The following SPTAN1 variants were observed in gnomAD, a reference collection of about 807,000 sequenced individuals.
SPTAN1 encodes the protein spectrin alpha, non-erythrocytic 1.
In SPTAN1, 61 loss-of-function variants were observed where a neutral mutation model predicts 331.3. That is an observed-to-expected ratio of 0.18 (90% CI 0.15 to 0.23). The LOEUF is 0.23. Ranked by LOEUF, SPTAN1 falls within the 10% of genes least tolerant of loss-of-function variation. The probability of loss-of-function intolerance (pLI) is 1.00; values close to 1 mark genes in which losing one functional copy is unlikely to be tolerated. For missense variants in SPTAN1, 2,043 were observed against 3,147.9 expected (o/e 0.65, Z 8.40); for synonymous variants, 1,153 against 1,173.9 (o/e 0.98, Z 0.36).
At chr9:128,626,771 C>G in intron 49 of SPTAN1, 84 bp downstream of exon 49, 1 of 1,216,920 alleles carries the variant, frequency 8.2e-7, no homozygotes, top group South Asian at 1.3e-5. Context: ...TTAACTGAGT[C>G]ACGACAAGAC....
intron 31 of SPTAN1, among the ~76,000 whole-genome samples, chr9:128,605,992 CAAAA>C (rs55642110): frequency 1.2e-4 from 16 of 134,444 alleles, no homozygotes; most frequent in African/African-American, 4.8e-4. Flanking sequence ...AACTCCATCT[CAAAA>C]AAAAAAAAAA....
Position 128,581,831 on chromosome 9 carries a change from C to T in SPTAN1, c.1511C>T (p.Ala504Val), listed in dbSNP as rs148727077. 1,998 of 1,614,042 alleles carry T rather than the reference C, an allele frequency of 1.2e-3. 2 individuals carry two copies. Among genetic ancestry groups the T allele is most frequent in the Middle Eastern group, 3.3e-3 (20 of 6,062 alleles). The change falls in exon 12 of 57, where the codon GCG becomes GTG. Residue 504 changes from alanine to valine, a missense_variant. Around this residue, in one of 12 missense-constraint regions of SPTAN1, gnomAD observed 1,038 missense variants for 1,531.5 expected, o/e 0.68. Coordinates refer to ENST00000372739, the MANE Select transcript of SPTAN1 (RefSeq NM_001130438.3). ...DLGDSLDSVE[A>V]LLKKHEDFEK... Reference sequence around the variant, plus strand: ...GGAGATTCCTTGGATAGTGTGGAAGCGCTTCTTAAGAAGCACGAAGACTTT... The same window carrying T: ...GGAGATTCCTTGGATAGTGTGGAAGTGCTTCTTAAGAAGCACGAAGACTTT...
Position 128,628,879 on chromosome 9 carries a change from C to T in SPTAN1, c.6707+937C>T, listed in dbSNP as rs543569770. The T allele has an allele frequency of 8.9e-5, 32 of 359,052 alleles. 1 individual carries two copies. The highest frequency in any genetic ancestry group is 7.1e-4 in the Middle Eastern group (1 of 1,412). The allele number at this position is 359,052 out of a possible 1,614,324, so 22.2% of individuals were successfully genotyped here. A position where few individuals can be genotyped will look rare whatever the true frequency, so the allele number is the denominator to read the frequency against. ...CCCATGCCTGTGTCTGCTGGTCTTG[C>T]TCTTGTCTCCGTGAGGTGCCACGCT... On this transcript the variant is annotated intron_variant, in intron 51 of 56. Coordinates refer to ENST00000372739, the MANE Select transcript of SPTAN1 (RefSeq NM_001130438.3).
chr9:128,598,942 G>A (rs1431500165), intron 25 of SPTAN1, 21 bp from the exon 26 acceptor site: 1 of 1,611,474 alleles, frequency 6.2e-7, no homozygotes, highest in Admixed American at 1.7e-5. Flanking sequence ...TAATAAAACT[G>A]GTTTCTCTCT....
Position 128,625,730 on chromosome 9 carries a change from G to C in SPTAN1, c.6070-39G>C, listed in dbSNP as rs773465512. On this transcript the variant is annotated intron_variant, in intron 47 of 56. Coordinates refer to ENST00000372739, the MANE Select transcript of SPTAN1 (RefSeq NM_001130438.3). This position sits in a 1 kb window ranked among gnomAD's most constrained non-coding sequence, Gnocchi z 4.1. Reference sequence around the variant, plus strand: ...CCTAGGAAGAGCAAGTTCCAGTCCTGTGGAGTCACCACAAATTGGCTTGTC... The same window carrying C: ...CCTAGGAAGAGCAAGTTCCAGTCCTCTGGAGTCACCACAAATTGGCTTGTC... The C allele has an allele frequency of 6.3e-7, 1 of 1,598,598 alleles. No individual in the cohort carries two copies. Among genetic ancestry groups the C allele is most frequent in the Admixed American group, 1.7e-5 (1 of 60,008 alleles).
At chr9:128,630,503 A>G in intron 52 of SPTAN1, 128 bp downstream of exon 52, 2 of 875,892 alleles carry the variant, frequency 2.3e-6, no homozygotes, top group South Asian at 1.4e-5. Flanking sequence ...CCCTTGGCCT[A>G]AAGCAGTCTA....
In SPTAN1 at chr9:128,583,877, T is replaced by G; in HGVS notation, c.2101T>G (p.Leu701Val). Reference sequence around the variant, plus strand: ...GTGGCTATATGAAGTAGAAGGTCACTTGGCTTCGGATGATTACGGCAAAGA... The same window carrying G: ...GTGGCTATATGAAGTAGAAGGTCACGTGGCTTCGGATGATTACGGCAAAGA... ...ELWLYEVEGH[L>V]ASDDYGKDLT... Residue 701 changes from leucine to valine, a missense_variant, in exon 16 of 57, where the codon TTG becomes GTG. Around this residue, in one of 12 missense-constraint regions of SPTAN1, gnomAD observed 1,038 missense variants for 1,531.5 expected, o/e 0.68. Coordinates refer to ENST00000372739, the MANE Select transcript of SPTAN1 (RefSeq NM_001130438.3). 1 of 1,614,226 alleles carries G rather than the reference T, an allele frequency of 6.2e-7. No homozygotes were observed. The highest frequency in any genetic ancestry group is 8.5e-7 in the Non-Finnish European group (1 of 1,180,042).
At chr9:128,591,707 C>T (rs1344357351) in intron 22 of SPTAN1, 82 bp downstream of exon 22, 2 of 1,574,386 alleles carry the variant, frequency 1.3e-6, no homozygotes, top group Non-Finnish European at 1.7e-6. Context: ...TTAGGCGTGT[C>T]CTGAGGCTCC....
At chr9:128,626,349 C>T (rs1211136509) in intron 48 of SPTAN1, 42 bp from the exon 49 acceptor site, 1 of 1,609,576 alleles carries the variant, frequency 6.2e-7, no homozygotes, top group Non-Finnish European at 8.5e-7. Flanking sequence ...TCGGCACGTC[C>T]AGCCCTGGCG....
chr9:128,556,892 A>G (rs1245088767), intron 1 of SPTAN1, among the ~76,000 whole-genome samples: 1 of 152,226 alleles, frequency 6.6e-6, no homozygotes, highest in Non-Finnish European at 1.5e-5. Flanking sequence ...ATCAACTGGT[A>G]TACAATTTTA....
chr9:128,633,063 A>C, intron 56 of SPTAN1, 108 bp downstream of exon 56: 1 of 1,593,200 alleles, frequency 6.3e-7, no homozygotes, highest in Non-Finnish European at 8.5e-7. Flanking sequence ...TATTCTCCCC[A>C]TTTACAAATC....
chr9:128,582,158 C>T (rs1470212798), intron 12 of SPTAN1, among the ~76,000 whole-genome samples: 1 of 152,192 alleles, frequency 6.6e-6, no homozygotes, highest in Non-Finnish European at 1.5e-5. Flanking sequence ...TTAAGAGGTA[C>T]TCTTCCCATT....
At chr9:128,574,542 T>G (rs896880330) in intron 3 of SPTAN1, 133 bp from the exon 4 acceptor site, 8 of 1,077,058 alleles carry the variant, frequency 7.4e-6, no homozygotes, top group African/African-American at 6.3e-5. Context: ...TTCCTCTCAG[T>G]TTAGGGATTA....
At chr9:128,574,237 T>C (rs980107453) in intron 3 of SPTAN1, among the ~76,000 whole-genome samples, 1 of 151,476 alleles carries the variant, frequency 6.6e-6, no homozygotes, top group African/African-American at 2.4e-5. Flanking sequence ...AGTAGTCTTC[T>C]GGATTAGGAA....
At position 128,567,078 on chromosome 9, in the gene SPTAN1, T is replaced by C. The variant is rs749674291; in HGVS notation, c.237+101T>C. ...GTTACTTAATTATGACCTTGAGAGA[T>C]TGGACAAGAAGAATATAATAAGGAA... On this transcript the variant is annotated intron_variant, in intron 2 of 56. Transcript: ENST00000372739. The C allele has an allele frequency of 5.0e-5, 76 of 1,520,788 alleles. No individual in the cohort carries two copies. In the East Asian group the frequency reaches 1.4e-3, roughly 27 times the overall value. The allele number at this position is 1,520,788 out of a possible 1,614,324, so 94.2% of individuals were successfully genotyped here.
At chr9:128,576,191 T>C (rs1489689898) in intron 5 of SPTAN1, among the ~76,000 whole-genome samples, 1 of 152,178 alleles carries the variant, frequency 6.6e-6, no homozygotes, top group South Asian at 2.1e-4. Context: ...TTTATTACTT[T>C]GTATCATATT....
rs755073572 is a variant in SPTAN1 at position 128,577,316 on chromosome 9, G to A, written c.931-36G>A. 5 of 1,614,042 alleles carry A rather than the reference G, an allele frequency of 3.1e-6. No homozygotes were observed. The highest frequency in any genetic ancestry group is 3.4e-6 in the Non-Finnish European group (4 of 1,180,036). ...CTGATTCTGTAAATAAGTTACCAAG[G>A]GTCAGGAGAATAGTTCTGACGGAGT... On this transcript the variant is annotated intron_variant, in intron 7 of 56. Coordinates refer to ENST00000372739, the MANE Select transcript of SPTAN1 (RefSeq NM_001130438.3). This position sits in a 1 kb window ranked among gnomAD's most constrained non-coding sequence, Gnocchi z 4.2.
intron 1 of SPTAN1, among the ~76,000 whole-genome samples, chr9:128,561,046 G>A (rs1365644692): frequency 6.0e-4 from 82 of 137,114 alleles, no homozygotes; most frequent in African/African-American, 2.1e-3. Context: ...GAAGTGAAAG[G>A]AACTAATAAA....
Position 128,583,865 on chromosome 9 carries a change from G to C in SPTAN1, c.2089G>C (p.Val697Leu). ...VEDIELWLYE[V>L]EGHLASDDYG... ...GGATATTGAATTGTGGCTATATGAA[G>C]TAGAAGGTCACTTGGCTTCGGATGA... is the stretch of plus-strand genomic sequence containing the variant. The change falls in exon 16 of 57, where the codon GTA becomes CTA. Residue 697 changes from valine (V) to leucine (L), a missense_variant. Transcript: ENST00000372739. The C allele has an allele frequency of 6.2e-7, 1 of 1,614,234 alleles. No individual in the cohort carries two copies. The highest frequency in any genetic ancestry group is 8.5e-7 in the Non-Finnish European group (1 of 1,180,034).
Sources: allele counts gnomAD v4.1 joint callset (sites outside exome capture counted in the v4.1 genomes callset), GRCh38; gene constraint gnomAD v4.1.1; regional missense constraint gnomAD v4.1.1; non-coding constraint Gnocchi (gnomAD v3.1); transcripts MANE v1.5; gene names NCBI Gene and HGNC (gene_info 2026-07-23, HGNC 2026-07-21).